The following LRRTM4 variants were observed in gnomAD, a reference collection of about 807,000 sequenced individuals.
LRRTM4 encodes the protein leucine rich repeat transmembrane neuronal 4, also known as leucine-rich repeat transmembrane neuronal protein 4.
LRRTM4 carries 25 observed loss-of-function variants against 47.6 expected under a neutral mutation model. The ratio of observed to expected loss-of-function variants is 0.53; its 90% confidence interval spans 0.38 to 0.73. The LOEUF (loss-of-function observed/expected upper bound fraction) is 0.73, where lower values mean the gene tolerates loss of function less well. LRRTM4 is among the 30% of genes least tolerant of loss of function. The probability of loss-of-function intolerance (pLI) is 0.00; values close to 1 mark genes in which losing one functional copy is unlikely to be tolerated. For missense variants in LRRTM4, 638 were observed against 713.4 expected (o/e 0.89, Z 1.20); for synonymous variants, 311 against 269.5 (o/e 1.15, Z -1.51).
intron 3 of LRRTM4, among the ~76,000 whole-genome samples, chr2:77,055,929 C>G (rs1419020500): frequency 6.6e-6 from 1 of 150,672 alleles, no homozygotes; most frequent in Non-Finnish European, 1.5e-5. Flanking sequence ...TCTCAGTAAA[C>G]TATTGCAAGA....
At chr2:76,963,102 T>C (rs1037671221) in intron 3 of LRRTM4, among the ~76,000 whole-genome samples, 2 of 150,988 alleles carry the variant, frequency 1.3e-5, no homozygotes, top group African/African-American at 2.4e-5. Flanking sequence ...AATGTAATTA[T>C]TTAATTGATC....
rs1026025324 is a variant in LRRTM4, at chr2:76,959,710, G to A, written c.1552-210794C>T. ...CATTGGCTACGGAATTTAAAGAAGT[G>A]TGTGATGCAGCTCTTCCTCTAACTT... On this transcript the variant is annotated intron_variant, in intron 3 of 3. Coordinates refer to ENST00000409884, the MANE Select transcript of LRRTM4 (RefSeq NM_001134745.3). Among the ~76,000 whole-genome samples, 5 of 151,654 alleles carry A rather than the reference G, an allele frequency of 3.3e-5. No homozygotes were observed. The East Asian group carries it at 9.8e-4, about 30-fold the overall frequency.
At chr2:77,521,932 G>A (rs766044353) in intron 1 of LRRTM4, 114 bp from the exon 2 acceptor site, 1 of 532,718 alleles carries the variant, frequency 1.9e-6, no homozygotes, top group African/African-American at 2.0e-5. Flanking sequence ...GCAGGGAAAA[G>A]GAAGCCGTTG....
At chr2:77,407,556 G>A (rs1433120867) in intron 3 of LRRTM4, among the ~76,000 whole-genome samples, 2 of 145,450 alleles carry the variant, frequency 1.4e-5, no homozygotes, top group Non-Finnish European at 3.0e-5. Context: ...GACAGAAAAA[G>A]CTATGGTAAA....
At chr2:77,232,586 T>A (rs1488806820) in intron 3 of LRRTM4, among the ~76,000 whole-genome samples, 3 of 152,180 alleles carry the variant, frequency 2.0e-5, no homozygotes, top group Non-Finnish European at 2.9e-5. Context: ...TTTACTTTAA[T>A]CCGAACTTCT....
At chr2:77,218,520 T>G in intron 3 of LRRTM4, among the ~76,000 whole-genome samples, 1 of 151,424 alleles carries the variant, frequency 6.6e-6, no homozygotes, top group Non-Finnish European at 1.5e-5. Context: ...ATTTATTTAT[T>G]TATTTATTTA....
At chr2:77,219,162 T>C (rs1448004954) in intron 3 of LRRTM4, among the ~76,000 whole-genome samples, 1 of 152,186 alleles carries the variant, frequency 6.6e-6, no homozygotes, top group African/African-American at 2.4e-5. Context: ...TGACATCTAC[T>C]TGAAATATTT....
chr2:76,857,690 T>C (rs1672195816), intron 3 of LRRTM4, among the ~76,000 whole-genome samples: 1 of 152,184 alleles, frequency 6.6e-6, no homozygotes, highest in South Asian at 2.1e-4. Context: ...ATTACTGTTT[T>C]GGCAACATAA....
At chr2:77,353,723 G>A (rs942833175) in intron 3 of LRRTM4, among the ~76,000 whole-genome samples, 3 of 151,596 alleles carry the variant, frequency 2.0e-5, no homozygotes, top group South Asian at 2.1e-4. Context: ...AAGTTTTAGG[G>A]TACATGTGTC....
intron 3 of LRRTM4, among the ~76,000 whole-genome samples, chr2:77,368,554 G>A (rs1339126578): frequency 1.3e-5 from 2 of 151,738 alleles, no homozygotes; most frequent in African/African-American, 4.8e-5. Context: ...GGTTCAGTGA[G>A]ATTAAGATTA....
At chr2:76,777,220 T>G (rs1674062446) in intron 3 of LRRTM4, among the ~76,000 whole-genome samples, 3 of 150,654 alleles carry the variant, frequency 2.0e-5, no homozygotes, top group South Asian at 4.4e-4. Flanking sequence ...TCTTTTGGCT[T>G]AGGATTGACT....
At chr2:77,513,836 G>A (rs577943667) in intron 3 of LRRTM4, among the ~76,000 whole-genome samples, 15 of 152,044 alleles carry the variant, frequency 9.9e-5, no homozygotes, top group African/African-American at 3.1e-4. Flanking sequence ...AAATTACTGG[G>A]ATTACAGGCA....
At chr2:76,905,801 G>T (rs12986747) in intron 3 of LRRTM4, among the ~76,000 whole-genome samples, 1 of 151,544 alleles carries the variant, frequency 6.6e-6, no homozygotes, top group Non-Finnish European at 1.5e-5. Context: ...AGAGAAAAAA[G>T]AAAAAAAAGA....
chr2:77,308,758 C>A (rs915931314), intron 3 of LRRTM4, among the ~76,000 whole-genome samples: 1 of 128,976 alleles, frequency 7.8e-6, no homozygotes, highest in African/African-American at 2.9e-5. Flanking sequence ...GTTTTGTTTT[C>A]TTTTTTGTTC....
intron 3 of LRRTM4, among the ~76,000 whole-genome samples, chr2:76,979,697 G>A (rs1240280791): frequency 1.1e-4 from 3 of 26,228 alleles, no homozygotes; most frequent in African/African-American, 8.3e-4. Flanking sequence ...GAGTATAAGC[G>A]ATAGATAGAT....
chr2:77,502,716 C>T (rs904079702), intron 3 of LRRTM4, among the ~76,000 whole-genome samples: 1 of 151,428 alleles, frequency 6.6e-6, no homozygotes, highest in Non-Finnish European at 1.5e-5. Flanking sequence ...TTAATCAAGT[C>T]ATTATGAAAA....
At chr2:77,299,565 G>A (rs1283184624) in intron 3 of LRRTM4, among the ~76,000 whole-genome samples, 1 of 151,882 alleles carries the variant, frequency 6.6e-6, no homozygotes, top group East Asian at 1.9e-4. Context: ...TAAGAACTGG[G>A]AAATTGTTTT....
At chr2:77,182,542 A>T (rs1176689089) in intron 3 of LRRTM4, among the ~76,000 whole-genome samples, 1 of 152,172 alleles carries the variant, frequency 6.6e-6, no homozygotes, top group African/African-American at 2.4e-5. Flanking sequence ...CCTGGAACTT[A>T]AAGTAAAATT....
At chr2:76,807,479 T>TATATAC (rs1670556443) in intron 3 of LRRTM4, among the ~76,000 whole-genome samples, 2 of 127,314 alleles carry the variant, frequency 1.6e-5, no homozygotes, top group South Asian at 2.4e-4. Flanking sequence ...TACATATATA[T>TATATAC]ATATATACAT....
Sources: allele counts gnomAD v4.1 joint callset (sites outside exome capture counted in the v4.1 genomes callset), GRCh38; gene constraint gnomAD v4.1.1; transcripts MANE v1.5; gene names NCBI Gene and HGNC (gene_info 2026-07-23, HGNC 2026-07-21).